TANC2: variants seen among roughly 807,000 people sequenced by gnomAD.
TANC2 encodes the protein protein TANC2.
Under a neutral mutation model 210.5 loss-of-function variants are expected in TANC2, and 26 were observed. The ratio of observed to expected loss-of-function variants is 0.12; its 90% CI spans 0.09 to 0.17. TANC2 has a LOEUF of 0.17. TANC2 is among the 10% of genes least tolerant of loss of function. The pLI is 1.00. For synonymous variants in TANC2, 931 were observed against 967.1 expected, an observed-to-expected ratio of 0.96 and a Z score of 0.69; for missense variants, 2,129 against 2,608.9, an observed-to-expected ratio of 0.82 and a Z score of 4.01.
At chr17:63,243,286 T>C (rs2042825432) in intron 8 of TANC2, among the ~76,000 whole-genome samples, 1 of 152,204 alleles carries the variant, frequency 6.6e-6, no homozygotes, top group Non-Finnish European at 1.5e-5. Flanking sequence ...TGTAAAGTTG[T>C]TTGACAAGAT....
chr17:63,038,083 A>G (rs2035044714), intron 2 of TANC2, among the ~76,000 whole-genome samples: 1 of 152,068 alleles, frequency 6.6e-6, no homozygotes, highest in Non-Finnish European at 1.5e-5. Flanking sequence ...GGGGAGTGGT[A>G]TTCTTGCCTT....
intron 8 of TANC2, among the ~76,000 whole-genome samples, chr17:63,265,546 A>T (rs181846199): frequency 7.7e-4 from 117 of 152,318 alleles, no homozygotes; most frequent in African/African-American, 2.6e-3. Context: ...ACTACTTAGT[A>T]AGTGTTTTAG....
Position 63,231,792 on chromosome 17 carries a change from T to G in TANC2, c.770-6022T>G, listed in dbSNP as rs114664584. On this transcript the variant is annotated intron_variant, in intron 7 of 27. Transcript: ENST00000689528. ...CTGTGGTTCTCTGTATTTACTGAAT[T>G]TGAATGTTAGCTTGTCTTGTTAGGT... Among the ~76,000 whole-genome samples the G allele has an allele frequency of 8.4e-3, 1,285 of 152,334 alleles. 15 individuals carry two copies. The highest frequency in any genetic ancestry group is 0.028 in the African/African-American group (1,176 of 41,572).
chr17:62,997,186 C>T (rs544329569), intron 1 of TANC2, among the ~76,000 whole-genome samples: 2 of 145,500 alleles, frequency 1.4e-5, no homozygotes, highest in Admixed American at 6.9e-5. Context: ...CCCAGGCTGG[C>T]GTGCAGTGGT....
chr17:63,144,833 TTATC>T (rs2039410612), intron 4 of TANC2, among the ~76,000 whole-genome samples: 1 of 152,174 alleles, frequency 6.6e-6, no homozygotes, highest in Non-Finnish European at 1.5e-5. Flanking sequence ...TTGATAAAGA[TTATC>T]ATATCAAATT....
chr17:62,995,864 T>A (rs2143640998), intron 1 of TANC2, among the ~76,000 whole-genome samples: 1 of 152,326 alleles, frequency 6.6e-6, no homozygotes, highest in South Asian at 2.1e-4. Context: ...GAGGCTGAGA[T>A]GGAAGGATCC....
At chr17:63,117,394 A>G (rs550114632) in intron 4 of TANC2, among the ~76,000 whole-genome samples, 1 of 152,316 alleles carries the variant, frequency 6.6e-6, no homozygotes, top group African/African-American at 2.4e-5. Flanking sequence ...CTGAAAGGAC[A>G]AGCTTATGTC....
At chr17:63,401,896 T>A (rs2048355335) in intron 19 of TANC2, among the ~76,000 whole-genome samples, 1 of 152,200 alleles carries the variant, frequency 6.6e-6, no homozygotes, top group African/African-American at 2.4e-5. Context: ...ATTCCTGCCC[T>A]CATCATCATT....
intron 9 of TANC2, among the ~76,000 whole-genome samples, chr17:63,287,476 T>G (rs564790994): frequency 9.8e-5 from 15 of 152,344 alleles, no homozygotes; most frequent in Middle Eastern, 3.4e-3. Flanking sequence ...ATGTTGTGAA[T>G]TTTAGCTTGT....
intron 11 of TANC2, among the ~76,000 whole-genome samples, chr17:63,333,095 G>T (rs1331353312): frequency 6.6e-6 from 1 of 152,164 alleles, no homozygotes; most frequent in Non-Finnish European, 1.5e-5. Flanking sequence ...CATTCTTTAG[G>T]CCTTGGATCA....
intron 5 of TANC2, among the ~76,000 whole-genome samples, chr17:63,179,510 A>G (rs1481245687): frequency 6.6e-6 from 1 of 152,224 alleles, no homozygotes; most frequent in East Asian, 1.9e-4. Context: ...TATCTCAATA[A>G]GTTATTGTTA....
At chr17:62,990,758 C>T (rs1209163636) in intron 1 of TANC2, among the ~76,000 whole-genome samples, 1 of 151,990 alleles carries the variant, frequency 6.6e-6, no homozygotes, top group Non-Finnish European at 1.5e-5. Context: ...AGGAATATGT[C>T]TATTTTAATA....
intron 3 of TANC2, among the ~76,000 whole-genome samples, chr17:63,076,114 TGAAA>T (rs2036562838): frequency 6.6e-6 from 1 of 152,134 alleles, no homozygotes; most frequent in Admixed American, 6.5e-5. Flanking sequence ...GACAATTGGT[TGAAA>T]GTCAGATGAA....
At chr17:63,375,172 C>T (rs539123030) in intron 14 of TANC2, among the ~76,000 whole-genome samples, 1 of 152,064 alleles carries the variant, frequency 6.6e-6, no homozygotes, top group Non-Finnish European at 1.5e-5. Context: ...TTGCTGTTTC[C>T]CCTTATGTCC....
rs567692045 is a variant in TANC2 at position 63,104,130 on chromosome 17, G to A, written c.322+4773G>A. 5.3e-5 allele frequency among the ~76,000 whole-genome samples: 8 copies of A among 152,216 alleles called. No individual in the cohort carries two copies. In the South Asian group the frequency reaches 1.7e-3, roughly 32 times the overall value. On this transcript the variant is annotated intron_variant, in intron 4 of 27. Coordinates refer to ENST00000689528, the Ensembl canonical transcript of TANC2. Reference sequence around the variant, plus strand: ...AAGATACAGCCAAATGGTTTAAGCAGTAAAGAAGACCTAAAAATTGGGCAG... The same window carrying A: ...AAGATACAGCCAAATGGTTTAAGCAATAAAGAAGACCTAAAAATTGGGCAG...
intron 9 of TANC2, among the ~76,000 whole-genome samples, chr17:63,278,997 T>C (rs1041864182): frequency 4.6e-5 from 7 of 152,216 alleles, no homozygotes; most frequent in Admixed American, 2.0e-4. Context: ...TCATGAAAGA[T>C]GAAAAAGTTC....
intron 4 of TANC2, among the ~76,000 whole-genome samples, chr17:63,102,620 C>T (rs1268016723): frequency 1.3e-5 from 2 of 151,364 alleles, no homozygotes; most frequent in African/African-American, 4.9e-5. Context: ...ATCCCTCCCC[C>T]CTCCTCCCTC....
chr17:63,378,746 C>A (rs763760418), intron 14 of TANC2, among the ~76,000 whole-genome samples: 3 of 152,128 alleles, frequency 2.0e-5, no homozygotes, highest in Non-Finnish European at 4.4e-5. Context: ...GACAGTATGG[C>A]AAACACTGTG....
At chr17:63,004,591 TTA>T (rs2033530057) in intron 1 of TANC2, 5 of 133,262 alleles carry the variant, frequency 3.8e-5, no homozygotes, top group South Asian at 1.2e-4. Context: ...CAGCATAGCT[TTA>T]AAAAAAAAAA....
Sources: allele counts gnomAD v4.1 joint callset (sites outside exome capture counted in the v4.1 genomes callset), GRCh38; gene constraint gnomAD v4.1.1; transcripts MANE v1.5; gene names NCBI Gene and HGNC (gene_info 2026-07-23, HGNC 2026-07-21).